The following IPO7 variants were observed in gnomAD, a reference collection of about 807,000 sequenced individuals.
IPO7 encodes the protein importin 7, also known as importin-7.
Under a neutral mutation model 136.4 loss-of-function variants are expected in IPO7, and 13 were observed. The ratio of observed to expected loss-of-function variants is 0.10; its 90% CI spans 0.06 to 0.15. IPO7 has a LOEUF of 0.15. IPO7 is among the 10% of genes least tolerant of loss of function. The pLI is 1.00. For synonymous variants in IPO7, 403 were observed against 404.4 expected (o/e 1.00, Z 0.04); for missense variants, 857 against 1,240.6 (o/e 0.69, Z 4.65).
intron 4 of IPO7, among the ~76,000 whole-genome samples, chr11:9,410,638 A>G (rs970556732): frequency 1.3e-4 from 20 of 152,168 alleles, no homozygotes; most frequent in Admixed American, 1.3e-3. Flanking sequence ...TTAGTATTAG[A>G]AAAAAAGATT....
At chr11:9,397,610 T>A (rs1185987209) in intron 1 of IPO7, among the ~76,000 whole-genome samples, 1 of 151,626 alleles carries the variant, frequency 6.6e-6, no homozygotes, top group African/African-American at 2.4e-5. Flanking sequence ...GTAGTCTGTT[T>A]CAAGTTAAGG....
At chr11:9,441,694 C>T (rs1466984928) in intron 23 of IPO7, among the ~76,000 whole-genome samples, 1 of 152,166 alleles carries the variant, frequency 6.6e-6, no homozygotes, top group Non-Finnish European at 1.5e-5. Flanking sequence ...GTTCCTAACA[C>T]GGGGCCCATG....
chr11:9,394,073 T>C (rs1854675761), intron 1 of IPO7, among the ~76,000 whole-genome samples: 1 of 151,856 alleles, frequency 6.6e-6, no homozygotes, highest in Non-Finnish European at 1.5e-5. Context: ...AGAGATGGGT[T>C]CCACCATGTT....
intron 1 of IPO7, among the ~76,000 whole-genome samples, chr11:9,396,396 A>C (rs1409351613): frequency 6.6e-6 from 1 of 152,188 alleles, no homozygotes; most frequent in Non-Finnish European, 1.5e-5. Flanking sequence ...ACTCCATCTC[A>C]AAAACAAAGT....
In IPO7 at chr11:9,384,784, C is replaced by A; in HGVS notation, c.21C>A (p.Ile7=). 6.2e-7 allele frequency: 1 copy of A among 1,606,576 alleles called. No homozygotes were observed. The change falls in exon 1 of 25, where the codon ATC becomes ATA. Residue 7 remains isoleucine, a synonymous_variant. Transcript: ENST00000379719. MDPNTI[I]EALRGTMDPA... is the part of the protein sequence containing the mutation. ...CTGCGATGGACCCCAACACCATTAT[C>A]GAGGCCCTGCGGGGCACTATGGACC...
In IPO7 at chr11:9,425,267, T is replaced by G; in HGVS notation, c.1335+5T>G. On this transcript the variant is annotated splice_donor_5th_base_variant and intron_variant, in intron 12 of 24. Coordinates refer to ENST00000379719, the MANE Select transcript of IPO7 (RefSeq NM_006391.3). The stretch of plus-strand genomic sequence containing the variant: ...TTAGCTGAAATACTTCTGAAGGTAT[T>G]CTTTAGTGTGTTTGTATGTGCATGA... The G allele has an allele frequency of 6.7e-7, 1 of 1,499,250 alleles. No homozygotes were observed. Among genetic ancestry groups the G allele is most frequent in the Non-Finnish European group, 9.3e-7 (1 of 1,075,938 alleles). 92.9% of individuals were successfully genotyped at this position (1,499,250 alleles called of 1,614,324 possible).
At chr11:9,409,894 G>T in intron 3 of IPO7, 34 bp from the exon 4 acceptor site, 2 of 1,473,014 alleles carry the variant, frequency 1.4e-6, no homozygotes, top group Non-Finnish European at 1.8e-6. Flanking sequence ...ACCTAGTTAG[G>T]ATTTTTTCCT....
chr11:9,403,325 C>T lies in IPO7; in HGVS notation c.120C>T (p.Leu40=), dbSNP rs751273006. 1 of 1,613,818 alleles carries T rather than the reference C, an allele frequency of 6.2e-7. No homozygotes were observed. The change falls in exon 2 of 25, where the codon CTC becomes CTT. Residue 40 remains leucine, a synonymous_variant. Coordinates refer to ENST00000379719, the MANE Select transcript of IPO7 (RefSeq NM_006391.3). ...HKSLNFVSTL[L]QITMSEQLDL... is the part of the protein sequence containing the mutation. ...CTCTGAATTTTGTCTCAACACTGCT[C>T]CAGATTACTATGTCGGAACAGCTGG... is the stretch of plus-strand genomic sequence containing the variant.
chr11:9,431,012 A>G lies in IPO7; in HGVS notation c.1881+9A>G. ...TTGAAGATCATAAAGAGGTAAGAAG[A>G]TGATCTAGTGTTGCAGTTTTTCAAG... On this transcript the variant is annotated intron_variant, in intron 16 of 24. Transcript: ENST00000379719. The G allele has an allele frequency of 6.2e-7, 1 of 1,610,948 alleles. No homozygotes were observed. Among genetic ancestry groups the G allele is most frequent in the South Asian group, 1.1e-5 (1 of 90,812 alleles).
chr11:9,438,045 G>GTTTTTTTTTTTTT lies in IPO7; in HGVS notation c.2490-15_2490-3dup, dbSNP rs202038310. The GTTTTTTTTTTTTT allele has an allele frequency of 9.1e-5, 100 of 1,093,672 alleles. 4 individuals are homozygous for GTTTTTTTTTTTTT. Among genetic ancestry groups the GTTTTTTTTTTTTT allele is most frequent in the South Asian group, 3.7e-4 (23 of 62,094 alleles). The allele number at this position is 1,093,672 out of a possible 1,614,324, so 67.7% of individuals were successfully genotyped here. A position where few individuals can be genotyped will look rare whatever the true frequency, so the allele number is the denominator to read the frequency against. Reference sequence around the variant, plus strand: ...TCTGCTTATTTAAGAAAAGAAAACAGTTTTTTTTTTTTTTTTTTTTTTTTT... The same window carrying GTTTTTTTTTTTTT: ...TCTGCTTATTTAAGAAAAGAAAACAGTTTTTTTTTTTTTTTTTTTTTTTTTTTTTTTTTTTTTT... On this transcript the variant is annotated intron_variant, in intron 21 of 24. Coordinates refer to ENST00000379719, the MANE Select transcript of IPO7 (RefSeq NM_006391.3).
Position 9,436,356 on chromosome 11 carries a change from G to A in IPO7, c.2258G>A (p.Gly753Asp). ...EVIILQCKGR[G>D]IDQCIPLFVE... The stretch of plus-strand genomic sequence containing the variant: ...ATCATTCTGCAGTGCAAAGGGCGTG[G>A]CATTGACCAGGTCAGTGAAGCTAAT... Residue 753 changes from glycine to aspartate, a missense_variant, in exon 20 of 25, where the codon GGC becomes GAC. Gly to Asp is a moderately conservative substitution (Grantham distance 94). Coordinates refer to ENST00000379719, the MANE Select transcript of IPO7 (RefSeq NM_006391.3). 1 of 1,609,456 alleles carries A rather than the reference G, an allele frequency of 6.2e-7. No individual in the cohort carries two copies. The highest frequency in any genetic ancestry group is 8.5e-7 in the Non-Finnish European group (1 of 1,175,996).
At chr11:9,427,651 G>C (rs961266471) in intron 12 of IPO7, among the ~76,000 whole-genome samples, 4 of 152,292 alleles carry the variant, frequency 2.6e-5, no homozygotes, top group African/African-American at 9.6e-5. Flanking sequence ...GGCATAGAAG[G>C]CTGAGAATTA....
Position 9,414,403 on chromosome 11 carries a change from C to G in IPO7, c.628C>G (p.Leu210Val), listed in dbSNP as rs776773651. 1 of 1,600,312 alleles carries G rather than the reference C, an allele frequency of 6.2e-7. No homozygotes were observed. The highest frequency in any genetic ancestry group is 2.3e-5 in the East Asian group (1 of 44,332). ...ACAGATATTCAAGATCTTCTATGCT[C>G]TTGTTCAGGTAATATCTGTGAAGCA... is the stretch of plus-strand genomic sequence containing the variant. Reference protein sequence around the residue: ...QKQIFKIFYALVQYTLPLELI... With the variant: ...QKQIFKIFYAVVQYTLPLELI... Residue 210 changes from leucine to valine, a missense_variant, in exon 5 of 25, where the codon CTT (leucine) becomes GTT (valine). Leu to Val is a conservative substitution (Grantham distance 32, BLOSUM62 1). Around this residue, in one of 11 missense-constraint regions of IPO7, gnomAD observed 287 missense variants for 307.5 expected, o/e 0.93. Transcript: ENST00000379719.
chr11:9,414,247 A>G lies in IPO7; in HGVS notation c.480-8A>G. The G allele has an allele frequency of 6.3e-7, 1 of 1,599,504 alleles. No individual in the cohort carries two copies. Among genetic ancestry groups the G allele is most frequent in the Non-Finnish European group, 8.5e-7 (1 of 1,172,858 alleles). Reference sequence around the variant, plus strand: ...TCTTACAGAATTAGTTTGTATTCCTACTCAAAGGTATAAAAAACCAGAGGA... The same window carrying G: ...TCTTACAGAATTAGTTTGTATTCCTGCTCAAAGGTATAAAAAACCAGAGGA... On this transcript the variant is annotated splice_polypyrimidine_tract_variant and splice_region_variant and intron_variant, in intron 4 of 24. Transcript: ENST00000379719.
intron 2 of IPO7, among the ~76,000 whole-genome samples, chr11:9,404,620 C>T (rs557287048): frequency 1.5e-5 from 2 of 131,050 alleles, no homozygotes; most frequent in Non-Finnish European, 3.1e-5. Flanking sequence ...GGCTGTAGTG[C>T]GGTGGCGCGA....
At chr11:9,395,487 C>A (rs926299002) in intron 1 of IPO7, among the ~76,000 whole-genome samples, 1 of 152,018 alleles carries the variant, frequency 6.6e-6, no homozygotes, top group Non-Finnish European at 1.5e-5. Flanking sequence ...GATCTGCCTG[C>A]CTTGGCCTCC....
chr11:9,426,991 G>A (rs1225341832), intron 12 of IPO7, among the ~76,000 whole-genome samples: 2 of 151,730 alleles, frequency 1.3e-5, no homozygotes, highest in East Asian at 3.9e-4. Flanking sequence ...TGATTCTCAT[G>A]CCTCAGGTGC....
At chr11:9,399,906 G>A (rs1269203732) in intron 1 of IPO7, among the ~76,000 whole-genome samples, 2 of 151,972 alleles carry the variant, frequency 1.3e-5, no homozygotes, top group Non-Finnish European at 2.9e-5. Flanking sequence ...CTGTATTAGG[G>A]GATCCTCCTT....
chr11:9,443,872 C>T (rs1369401407), intron 24 of IPO7, among the ~76,000 whole-genome samples: 1 of 151,864 alleles, frequency 6.6e-6, no homozygotes, highest in Non-Finnish European at 1.5e-5. Flanking sequence ...TGTACTCTAG[C>T]CTGGGTGCCA....
Sources: allele counts gnomAD v4.1 joint callset (sites outside exome capture counted in the v4.1 genomes callset), GRCh38; gene constraint gnomAD v4.1.1; regional missense constraint gnomAD v4.1.1; transcripts MANE v1.5; gene names NCBI Gene and HGNC (gene_info 2026-07-23, HGNC 2026-07-21).